The following EML4 variants were observed in gnomAD, a reference collection of about 807,000 sequenced individuals.
The protein encoded by EML4 is EMAP like 4.
In EML4, 72 loss-of-function variants were observed where a neutral mutation model predicts 129.0. That is an observed-to-expected ratio of 0.56 (90% CI 0.46 to 0.68). The LOEUF (loss-of-function observed/expected upper bound fraction) is 0.68. EML4 is among the 30% of genes least tolerant of loss of function. The pLI, the probability that EML4 is intolerant of heterozygous loss-of-function variation, is 0.00. For synonymous variants in EML4, 532 were observed against 405.0 expected (o/e 1.31, Z -3.77); for missense variants, 1,363 against 1,190.6 (o/e 1.14, Z -2.13).
chr2:42,279,858 T>G (rs1666909591), intron 6 of EML4, among the ~76,000 whole-genome samples: 1 of 151,984 alleles, frequency 6.6e-6, no homozygotes, highest in African/African-American at 2.4e-5. Flanking sequence ...TGATCTGCAT[T>G]TCTCTGATGA....
chr2:42,176,937 G>C (rs6745683), intron 1 of EML4, among the ~76,000 whole-genome samples: 3,477 of 152,168 alleles, frequency 0.023, 121 homozygotes, highest in African/African-American at 0.079. Context: ...GGTGTTACAG[G>C]TGTATGCCAC....
chr2:42,204,300 G>A (rs918412494), intron 1 of EML4, among the ~76,000 whole-genome samples: 36 of 152,144 alleles, frequency 2.4e-4, no homozygotes, highest in African/African-American at 7.7e-4. Flanking sequence ...GCAGTTAGTG[G>A]CAAAGACAGG....
chr2:42,249,385 C>T (rs950494073), intron 2 of EML4, among the ~76,000 whole-genome samples: 4 of 151,882 alleles, frequency 2.6e-5, no homozygotes, highest in African/African-American at 9.7e-5. Flanking sequence ...AAGGTGTTTA[C>T]ATTTTCTAGA....
At chr2:42,318,652 G>A (rs1284613614) in intron 19 of EML4, among the ~76,000 whole-genome samples, 1 of 152,012 alleles carries the variant, frequency 6.6e-6, no homozygotes, top group East Asian at 1.9e-4. Flanking sequence ...TCCACCAAAA[G>A]AAGTTTTCAG....
intron 1 of EML4, among the ~76,000 whole-genome samples, chr2:42,242,589 C>T (rs1013687325): frequency 4.6e-5 from 7 of 152,108 alleles, no homozygotes; most frequent in Non-Finnish European, 7.4e-5. Flanking sequence ...TATCCTGTAT[C>T]TCATGACTAC....
chr2:42,266,751 T>C (rs1349398874), intron 6 of EML4, among the ~76,000 whole-genome samples: 1 of 152,022 alleles, frequency 6.6e-6, no homozygotes, highest in Admixed American at 6.6e-5. Context: ...TTATGCATAA[T>C]AGCCTTATGA....
intron 8 of EML4, among the ~76,000 whole-genome samples, chr2:42,283,306 T>TTATTGA (rs1667116475): frequency 6.6e-6 from 1 of 152,216 alleles, no homozygotes; most frequent in Non-Finnish European, 1.5e-5. Flanking sequence ...AAGTGATTAT[T>TTATTGA]GGTTACTCGA....
chr2:42,244,311 A>G (rs571114939), intron 1 of EML4, among the ~76,000 whole-genome samples: 4 of 152,050 alleles, frequency 2.6e-5, no homozygotes, highest in African/African-American at 7.2e-5. Flanking sequence ...GTTGGCCAGG[A>G]TGGTCTCGAT....
intron 10 of EML4, among the ~76,000 whole-genome samples, chr2:42,287,099 A>G (rs980176258): frequency 1.3e-5 from 2 of 152,196 alleles, no homozygotes; most frequent in African/African-American, 4.8e-5. Context: ...ATGTGACCTC[A>G]GTTATATATT....
chr2:42,328,357 T>G (rs1669922633), intron 21 of EML4, among the ~76,000 whole-genome samples: 1 of 152,206 alleles, frequency 6.6e-6, no homozygotes, highest in East Asian at 1.9e-4. Flanking sequence ...GGACATAATC[T>G]TTCCAGGAAA....
chr2:42,317,292 G>A, intron 18 of EML4, 135 bp from the exon 19 acceptor site: 1 of 598,476 alleles, frequency 1.7e-6, no homozygotes, highest in Non-Finnish European at 2.9e-6. Flanking sequence ...AATGTACTTA[G>A]TGGATAGGAT....
chr2:42,256,690 A>T (rs1676175835), intron 3 of EML4, 60 bp downstream of exon 3: 3 of 1,584,126 alleles, frequency 1.9e-6, no homozygotes, highest in Non-Finnish European at 1.7e-6. Flanking sequence ...TGTGGTAGAG[A>T]TCTCCCTTTA....
intron 1 of EML4, among the ~76,000 whole-genome samples, chr2:42,209,539 A>G (rs1672759594): frequency 6.6e-6 from 1 of 152,142 alleles, no homozygotes; most frequent in South Asian, 2.1e-4. Context: ...ATGTTTTTCA[A>G]ACTTTAGTTA....
intron 1 of EML4, among the ~76,000 whole-genome samples, chr2:42,234,063 C>T (rs985927343): frequency 2.0e-5 from 3 of 152,240 alleles, no homozygotes; most frequent in Admixed American, 1.3e-4. Flanking sequence ...TTTAGCCACT[C>T]CTCAAAGCAG....
intron 1 of EML4, among the ~76,000 whole-genome samples, chr2:42,229,738 A>C (rs56242673): frequency 6.6e-6 from 1 of 152,256 alleles, no homozygotes; most frequent in African/African-American, 2.4e-5. Flanking sequence ...CTAGCAAAAT[A>C]AATCTAGAGT....
At chr2:42,199,100 A>G (rs964773732) in intron 1 of EML4, among the ~76,000 whole-genome samples, 1 of 152,228 alleles carries the variant, frequency 6.6e-6, no homozygotes, top group African/African-American at 2.4e-5. Context: ...TAACACCAAA[A>G]GTTTCCATGA....
chr2:42,172,573 A>T (rs1033939538), intron 1 of EML4, among the ~76,000 whole-genome samples: 1 of 152,040 alleles, frequency 6.6e-6, no homozygotes, highest in African/African-American at 2.4e-5. Context: ...AGGTGCTTGT[A>T]CTCTGGAATT....
Position 42,256,549 on chromosome 2 carries a change from GAAGTGGTGC to G in EML4, c.260_268del (p.Ser87_Ala89del), listed in dbSNP as rs1676163735. 6.2e-7 allele frequency: 1 copy of G among 1,613,674 alleles called. No homozygotes were observed. Among genetic ancestry groups the G allele is most frequent in the Non-Finnish European group, 8.5e-7 (1 of 1,179,810 alleles). On this transcript the variant is annotated inframe_deletion, in exon 3 of 23. Transcript: ENST00000318522. ...ATTCCCATGTCCTGTATAACCAATG[GAAGTGGTGC>G]AAACAGAAAACCAAGTCATACCAGT... is the stretch of plus-strand genomic sequence containing the variant.
chr2:42,304,940 G>A (rs980872352), intron 17 of EML4, among the ~76,000 whole-genome samples: 17 of 152,124 alleles, frequency 1.1e-4, no homozygotes, highest in South Asian at 6.2e-4. Context: ...CCAATGTAGC[G>A]AAACCCCGTC....
Sources: allele counts gnomAD v4.1 joint callset (sites outside exome capture counted in the v4.1 genomes callset), GRCh38; gene constraint gnomAD v4.1.1; transcripts MANE v1.5; gene names NCBI Gene and HGNC (gene_info 2026-07-23, HGNC 2026-07-21).